The following STARD3NL variants were observed in gnomAD, a reference collection of about 807,000 sequenced individuals.
The protein encoded by STARD3NL is STARD3 N-terminal like, also known as STARD3 N-terminal-like protein.
Under a neutral mutation model 30.9 loss-of-function variants are expected in STARD3NL, and 17 were observed. The observed-to-expected ratio is 0.55, with a 90% CI of 0.38 to 0.82. The LOEUF is 0.82. STARD3NL is among the 40% of genes least tolerant of loss of function. The probability of loss-of-function intolerance (pLI) is 0.00; values close to 1 mark genes in which losing one functional copy is unlikely to be tolerated. For missense variants in STARD3NL, 234 were observed against 277.6 expected, an observed-to-expected ratio of 0.84 and a Z score of 1.12; for synonymous variants, 112 against 100.5, an observed-to-expected ratio of 1.11 and a Z score of -0.69.
intron 6 of STARD3NL, among the ~76,000 whole-genome samples, chr7:38,218,425 C>CGAAT (rs1291199495): frequency 1.3e-5 from 2 of 152,092 alleles, no homozygotes; most frequent in Non-Finnish European, 2.9e-5. Context: ...GCCGTCTATT[C>CGAAT]CTTTGTGAAA....
At position 38,207,661 on chromosome 7, in the gene STARD3NL, A is replaced by G. The variant is rs1285139225; in HGVS notation, c.157A>G (p.Arg53Gly). 1 of 1,614,094 alleles carries G rather than the reference A, an allele frequency of 6.2e-7. No homozygotes were observed. The highest frequency in any genetic ancestry group is 8.5e-7 in the Non-Finnish European group (1 of 1,179,970). Residue 53 changes from arginine (R) to glycine (G), a missense_variant, in exon 2 of 9, where the codon AGG becomes GGG. Arg to Gly is a moderately radical substitution (Grantham distance 125). Transcript: ENST00000009041. ...AAAGAAAGGCATATCTGATGTCAGG[A>G]GGACTTTCTGTTTGTTTGTCACCTT... ...REKKGISDVR[R>G]TFCLFVTFDL...
chr7:38,217,065 T>A lies in STARD3NL; in HGVS notation c.422T>A (p.Val141Glu). 6.2e-7 allele frequency: 1 copy of A among 1,614,124 alleles called. No homozygotes were observed. Among genetic ancestry groups the A allele is most frequent in the Non-Finnish European group, 8.5e-7 (1 of 1,179,968 alleles). ...AVTSAFLLAK[V>E]ILSKLFSQGA... The stretch of plus-strand genomic sequence containing the variant: ...ACCAGTGCCTTTTTACTAGCAAAAG[T>A]GATCCTTTCGAAGGTATGGCCTACC... The change falls in exon 5 of 9, where the codon GTG becomes GAG. Residue 141 changes from valine (V) to glutamate (E), a missense_variant. Coordinates refer to ENST00000009041, the MANE Select transcript of STARD3NL (RefSeq NM_032016.4).
At chr7:38,223,122 C>T (rs756392) in intron 7 of STARD3NL, among the ~76,000 whole-genome samples, 130,708 of 152,004 alleles carry the variant, frequency 0.86, 56,654 homozygotes, top group African/African-American at 0.97. Context: ...ATTAGACTTA[C>T]AACTGTTGAA....
Position 38,220,765 on chromosome 7 carries a change from T to C in STARD3NL, c.649+1105T>C, listed in dbSNP as rs79773306. Among the ~76,000 whole-genome samples the C allele has an allele frequency of 2.0e-3, 302 of 152,294 alleles. 1 individual carries two copies. Among genetic ancestry groups the C allele is most frequent in the Non-Finnish European group, 3.2e-3 (219 of 68,030 alleles). ...AAACAGCTGTCAGCAGATGGGTGGA[T>C]AAACGACATGTATGTACATCCAATG... On this transcript the variant is annotated intron_variant, in intron 7 of 8. Coordinates refer to ENST00000009041, the MANE Select transcript of STARD3NL (RefSeq NM_032016.4).
intron 2 of STARD3NL, among the ~76,000 whole-genome samples, chr7:38,211,295 G>A (rs1305382604): frequency 2.0e-5 from 3 of 152,178 alleles, no homozygotes; most frequent in Non-Finnish European, 4.4e-5. Context: ...GTGAATGGAA[G>A]AGATGGACTG....
At chr7:38,208,259 C>T (rs1353039019) in intron 2 of STARD3NL, among the ~76,000 whole-genome samples, 1 of 152,130 alleles carries the variant, frequency 6.6e-6, no homozygotes, top group African/African-American at 2.4e-5. Context: ...TTTTCTAGTT[C>T]CTAGGTTTAA....
chr7:38,184,765 C>T (rs1784392123), intron 1 of STARD3NL, among the ~76,000 whole-genome samples: 1 of 144,414 alleles, frequency 6.9e-6, no homozygotes, highest in Non-Finnish European at 1.5e-5. Flanking sequence ...GAAAAACTTG[C>T]TCTCAAATAA....
At chr7:38,202,736 A>G (rs956128655) in intron 1 of STARD3NL, among the ~76,000 whole-genome samples, 4 of 91,630 alleles carry the variant, frequency 4.4e-5, no homozygotes, top group Admixed American at 1.6e-4. Flanking sequence ...CCCCCACCCC[A>G]CAACAGGCCC....
intron 1 of STARD3NL, among the ~76,000 whole-genome samples, chr7:38,191,382 A>ACC (rs1784679110): frequency 6.6e-6 from 1 of 152,232 alleles, no homozygotes; most frequent in African/African-American, 2.4e-5. Flanking sequence ...TCCCAAATGG[A>ACC]CCAGGGGGAG....
intron 1 of STARD3NL, among the ~76,000 whole-genome samples, chr7:38,185,614 G>A (rs1324303112): frequency 1.3e-5 from 2 of 152,154 alleles, no homozygotes; most frequent in Non-Finnish European, 2.9e-5. Flanking sequence ...TCTGTCAACT[G>A]GAGTGACATT....
At chr7:38,184,166 G>A (rs1172385334) in intron 1 of STARD3NL, among the ~76,000 whole-genome samples, 1 of 152,140 alleles carries the variant, frequency 6.6e-6, no homozygotes, top group Non-Finnish European at 1.5e-5. Flanking sequence ...GTCAGAGAAA[G>A]TTTCATCCAG....
chr7:38,217,109 C>A (rs1222783663), intron 5 of STARD3NL, 31 bp downstream of exon 5: 1 of 1,613,816 alleles, frequency 6.2e-7, no homozygotes, highest in Non-Finnish European at 8.5e-7. Flanking sequence ...TATACAGTTA[C>A]CATCTTCAGT....
intron 7 of STARD3NL, among the ~76,000 whole-genome samples, chr7:38,222,184 C>CACACACACAG (rs1786507927): frequency 7.0e-6 from 1 of 143,598 alleles, no homozygotes; most frequent in East Asian, 2.0e-4. Flanking sequence ...CACACACACA[C>CACACACACAG]AGAGTGGTAA....
At chr7:38,180,496 A>G (rs1784203362) in intron 1 of STARD3NL, among the ~76,000 whole-genome samples, 1 of 152,242 alleles carries the variant, frequency 6.6e-6, no homozygotes. Flanking sequence ...ATTACTGACC[A>G]GGAACATAAC....
Position 38,214,363 on chromosome 7 carries a change from G to A in STARD3NL, c.232G>A (p.Gly78Arg). The part of the protein sequence containing the change: ...LLWIIELNVN[G>R]GIENTLEKEV... Reference sequence around the variant, plus strand: ...TTCTTACTCTCCTTTCTAGGTGAATGGAGGCATTGAGAACACATTAGAGAA... The same window carrying A: ...TTCTTACTCTCCTTTCTAGGTGAATAGAGGCATTGAGAACACATTAGAGAA... Residue 78 changes from glycine (G) to arginine (R), a missense_variant, in exon 3 of 9, where the codon GGA becomes AGA. Physicochemically the swap from Gly to Arg is moderately radical, Grantham distance 125 (BLOSUM62 -2). Transcript: ENST00000009041. The A allele has an allele frequency of 6.2e-7, 1 of 1,600,678 alleles. No individual in the cohort carries two copies. Among genetic ancestry groups the A allele is most frequent in the South Asian group, 1.1e-5 (1 of 89,930 alleles).
intron 2 of STARD3NL, among the ~76,000 whole-genome samples, chr7:38,214,064 T>A (rs1229442531): frequency 6.6e-6 from 1 of 152,206 alleles, no homozygotes; most frequent in Non-Finnish European, 1.5e-5. Flanking sequence ...GAAGACTTTA[T>A]CTTAGAAGGG....
At chr7:38,191,534 G>T (rs114922954) in intron 1 of STARD3NL, among the ~76,000 whole-genome samples, 1 of 151,978 alleles carries the variant, frequency 6.6e-6, no homozygotes, top group African/African-American at 2.4e-5. Context: ...TTACGTTTAG[G>T]TCTGTAAATC....
At chr7:38,208,294 C>G (rs1271597183) in intron 2 of STARD3NL, among the ~76,000 whole-genome samples, 1 of 152,178 alleles carries the variant, frequency 6.6e-6, no homozygotes, top group Non-Finnish European at 1.5e-5. Context: ...TTGTTCTTTA[C>G]TTTCTTGCAA....
At chr7:38,216,206 A>G (rs531643021) in intron 4 of STARD3NL, 1 of 152,322 alleles carries the variant, frequency 6.6e-6, no homozygotes, top group East Asian at 1.9e-4. Flanking sequence ...AGTGTTTGAC[A>G]TATAGATATT....
Sources: allele counts gnomAD v4.1 joint callset (sites outside exome capture counted in the v4.1 genomes callset), GRCh38; gene constraint gnomAD v4.1.1; transcripts MANE v1.5; gene names NCBI Gene and HGNC (gene_info 2026-07-23, HGNC 2026-07-21).